DGKI: variants seen among roughly 807,000 people sequenced by gnomAD.
DGKI encodes diacylglycerol kinase iota, also known as DAG kinase iota.
In DGKI, 55 loss-of-function variants were observed where a neutral mutation model predicts 147.5. That is an observed-to-expected ratio of 0.37 (90% CI 0.30 to 0.47). DGKI has a LOEUF of 0.47. Among genes scored for constraint, DGKI ranks in the 20% least tolerant of loss-of-function variants. The probability of loss-of-function intolerance (pLI) is 1.00; values close to 1 mark genes in which losing one functional copy is unlikely to be tolerated. For missense variants in DGKI, 1,007 were observed against 1,323.8 expected (o/e 0.76, Z 3.71); for synonymous variants, 469 against 477.1 (o/e 0.98, Z 0.22).
Position 137,436,502 on chromosome 7 carries a change from G to A in DGKI, c.2761+7575C>T, listed in dbSNP as rs139344864. On this transcript the variant is annotated intron_variant, in intron 28 of 32. Coordinates refer to ENST00000614521, the MANE Select transcript of DGKI (RefSeq NM_001321708.2). ...AAAAGGATCTGGATCCAGATCACCT[G>A]AGTTCACATCCTAGTTCTACCTTTT... is the stretch of plus-strand genomic sequence containing the variant. Among the ~76,000 whole-genome samples the A allele has an allele frequency of 6.1e-3, 933 of 152,210 alleles. 8 individuals are homozygous for A. Among genetic ancestry groups the A allele is most frequent in the African/African-American group, 0.022 (903 of 41,532 alleles).
At chr7:137,828,046 G>A (rs1255716491) in intron 1 of DGKI, among the ~76,000 whole-genome samples, 3 of 152,116 alleles carry the variant, frequency 2.0e-5, no homozygotes, top group African/African-American at 7.2e-5. Flanking sequence ...CCCCTATCCT[G>A]CCCGCTGACC....
At chr7:137,401,660 A>G (rs940493532) in intron 30 of DGKI, among the ~76,000 whole-genome samples, 2 of 152,152 alleles carry the variant, frequency 1.3e-5, no homozygotes, top group African/African-American at 4.8e-5. Flanking sequence ...TTCGAGGGAG[A>G]TCATCAAATT....
intron 3 of DGKI, among the ~76,000 whole-genome samples, chr7:137,665,973 A>G (rs1822625643): frequency 6.6e-6 from 1 of 152,180 alleles, no homozygotes; most frequent in South Asian, 2.1e-4. Flanking sequence ...AATTGCTAGG[A>G]TTGCGTTAAT....
chr7:137,554,918 T>TC (rs1182503015), intron 19 of DGKI, among the ~76,000 whole-genome samples: 7 of 141,538 alleles, frequency 4.9e-5, no homozygotes, highest in Admixed American at 3.5e-4. Context: ...TATTTTCTTT[T>TC]TTTTTTTTTT....
At chr7:137,495,272 A>C (rs1401230446) in intron 21 of DGKI, among the ~76,000 whole-genome samples, 1 of 151,996 alleles carries the variant, frequency 6.6e-6, no homozygotes. Flanking sequence ...ATAGTCCAAT[A>C]ATGAGTTCCA....
chr7:137,561,280 C>T lies in DGKI; in HGVS notation c.1948-8712G>A, dbSNP rs116846885. Among the ~76,000 whole-genome samples, 1,482 of 152,120 alleles carry T rather than the reference C, an allele frequency of 9.7e-3. 16 individuals are homozygous for T. Among genetic ancestry groups the T allele is most frequent in the Non-Finnish European group, 0.015 (1,019 of 68,010 alleles). ...AAATCTTGTGGCAACATGGATGAAA[C>T]TGGAGAACATTATGCTAAATAAAAT... is the stretch of plus-strand genomic sequence containing the variant. On this transcript the variant is annotated intron_variant, in intron 19 of 32. Transcript: ENST00000614521.
At chr7:137,841,654 G>A (rs1357493340) in intron 1 of DGKI, among the ~76,000 whole-genome samples, 1 of 152,194 alleles carries the variant, frequency 6.6e-6, no homozygotes, top group African/African-American at 2.4e-5. Context: ...TGGTCTCACA[G>A]TGTACTCAAC....
intron 27 of DGKI, chr7:137,454,828 G>A (rs548043319): frequency 1.3e-5 from 2 of 152,286 alleles, no homozygotes; most frequent in African/African-American, 4.8e-5. Context: ...TGGGAACCCC[G>A]GCCAACAGCT....
At chr7:137,744,600 C>T (rs2116723094) in intron 1 of DGKI, among the ~76,000 whole-genome samples, 1 of 152,188 alleles carries the variant, frequency 6.6e-6, no homozygotes, top group East Asian at 1.9e-4. Flanking sequence ...GAAAATAAAA[C>T]TATAGGCCAA....
intron 1 of DGKI, among the ~76,000 whole-genome samples, chr7:137,759,498 C>T (rs749516070): frequency 3.3e-5 from 5 of 151,948 alleles, no homozygotes; most frequent in Non-Finnish European, 4.4e-5. Flanking sequence ...CCTGCCACCA[C>T]GCCTGGCTAA....
chr7:137,480,878 AC>A (rs1815349002), intron 23 of DGKI, among the ~76,000 whole-genome samples: 1 of 151,850 alleles, frequency 6.6e-6, no homozygotes, highest in Non-Finnish European at 1.5e-5. Context: ...CTACAAAAAA[AC>A]CCCTCTAATT....
At chr7:137,495,508 A>G (rs1301471276) in intron 21 of DGKI, among the ~76,000 whole-genome samples, 4 of 148,492 alleles carry the variant, frequency 2.7e-5, no homozygotes, top group Admixed American at 6.6e-5. Context: ...GAGACAAAAA[A>G]AAAAAAAAAA....
At chr7:137,684,610 G>A (rs897040467) in intron 2 of DGKI, among the ~76,000 whole-genome samples, 28 of 152,234 alleles carry the variant, frequency 1.8e-4, no homozygotes, top group African/African-American at 4.3e-4. Flanking sequence ...AAACTCCCCC[G>A]TTCTCAGAAA....
intron 1 of DGKI, among the ~76,000 whole-genome samples, chr7:137,692,329 T>A (rs1240435811): frequency 6.6e-6 from 1 of 152,168 alleles, no homozygotes; most frequent in African/African-American, 2.4e-5. Flanking sequence ...CACCACAACC[T>A]AAATTAAGTG....
intron 30 of DGKI, among the ~76,000 whole-genome samples, chr7:137,400,197 T>A (rs1811701114): frequency 6.6e-6 from 1 of 152,206 alleles, no homozygotes; most frequent in South Asian, 2.1e-4. Context: ...CAGGGCACTC[T>A]TCACGTCAGC....
chr7:137,778,445 C>T (rs1796426083), intron 1 of DGKI, among the ~76,000 whole-genome samples: 1 of 152,008 alleles, frequency 6.6e-6, no homozygotes, highest in South Asian at 2.1e-4. Flanking sequence ...CTTGGGTTTG[C>T]TTTTTTGAAA....
At chr7:137,456,625 G>T (rs1157798668) in intron 27 of DGKI, among the ~76,000 whole-genome samples, 2 of 152,136 alleles carry the variant, frequency 1.3e-5, no homozygotes, top group Admixed American at 6.5e-5. Context: ...CCTGAAGTGT[G>T]AATAAATATG....
At chr7:137,410,715 T>C (rs903426807) in intron 29 of DGKI, among the ~76,000 whole-genome samples, 3 of 152,206 alleles carry the variant, frequency 2.0e-5, no homozygotes, top group East Asian at 3.8e-4. Context: ...AAATGTACAG[T>C]GCTTTGCAAA....
In DGKI at chr7:137,609,345, G is replaced by A. The variant is rs116547239; in HGVS notation, c.1068+190C>T. ...TTGGGGATAACATTTCCAGGCAAGC[G>A]CAGAGGTTAGTTTTGAGTGTTTGTT... On this transcript the variant is annotated intron_variant, in intron 9 of 32. Coordinates refer to ENST00000614521, the MANE Select transcript of DGKI (RefSeq NM_001321708.2). 8.5e-3 allele frequency among the ~76,000 whole-genome samples: 1,287 copies of A among 152,148 alleles called. 24 individuals carry two copies. Among genetic ancestry groups the A allele is most frequent in the African/African-American group, 0.029 (1,216 of 41,494 alleles).
Sources: gnomAD v4.1 joint callset for allele counts (sites outside exome capture counted in the v4.1 genomes callset) on GRCh38, gnomAD v4.1.1 for gene constraint, MANE v1.5 for transcripts, NCBI Gene and HGNC (gene_info 2026-07-23, HGNC 2026-07-21) for gene names.